The following NFATC2 variants were observed in gnomAD, a reference collection of about 807,000 sequenced individuals.
NFATC2 encodes the protein nuclear factor of activated T cells 2.
A neutral mutation model predicts 87.3 loss-of-function variants in NFATC2; 22 were observed. The observed-to-expected ratio is 0.25, with a 90% confidence interval of 0.18 to 0.36. NFATC2 has a LOEUF of 0.36. Ranked by LOEUF, NFATC2 falls within the 10% of genes least tolerant of loss-of-function variation. The probability of loss-of-function intolerance (pLI) is 1.00; values close to 1 mark genes in which losing one functional copy is unlikely to be tolerated. For missense variants in NFATC2, 1,149 were observed against 1,259.1 expected, an observed-to-expected ratio of 0.91 and a Z score of 1.32; for synonymous variants, 565 against 542.2, an observed-to-expected ratio of 1.04 and a Z score of -0.58.
At chr20:51,478,906 T>C (rs1285396804) in intron 3 of NFATC2, among the ~76,000 whole-genome samples, 1 of 152,188 alleles carries the variant, frequency 6.6e-6, no homozygotes, top group Non-Finnish European at 1.5e-5. Context: ...CCTCTTCCAC[T>C]AGCACATTTG....
rs1456163600 is a variant in NFATC2, at chr20:51,524,867, TG to T, written c.131-758del. On this transcript the variant is annotated intron_variant, in intron 1 of 10. Transcript: ENST00000371564. The surrounding 1 kb of genome is among the most constrained non-coding windows in gnomAD (Gnocchi z 4.0). ...TTAAAAATACCACAGGCAAGCCACT[TG>T]CCCCCCAACAGGCAGGGTCACTGCT... Among the ~76,000 whole-genome samples the T allele has an allele frequency of 5.9e-5, 9 of 152,202 alleles. No homozygotes were observed. The South Asian group carries it at 1.9e-3, about 32-fold the overall frequency.
At chr20:51,449,274 T>A (rs143834619) in intron 6 of NFATC2, among the ~76,000 whole-genome samples, 35 of 152,264 alleles carry the variant, frequency 2.3e-4, no homozygotes, top group African/African-American at 7.5e-4. Flanking sequence ...GGATTCCCCC[T>A]GCAGAAGGCG....
upstream of NFATC2, among the ~76,000 whole-genome samples, chr20:51,543,975 ATTTTTTTTTT>A (rs11473264): frequency 5.5e-5 from 4 of 72,958 alleles, no homozygotes; most frequent in Admixed American, 2.0e-4. Flanking sequence ...AGAATTCCTA[ATTTTTTTTTT>A]TTTTTTTTTT....
chr20:51,544,180 G>T (rs185307140), upstream of NFATC2, among the ~76,000 whole-genome samples: 1 of 151,428 alleles, frequency 6.6e-6, no homozygotes, highest in Non-Finnish European at 1.5e-5. Context: ...GTAGAGATGG[G>T]GTTTCACTGT....
intron 9 of NFATC2, among the ~76,000 whole-genome samples, chr20:51,422,998 G>A (rs6096426): frequency 0.12 from 18,684 of 151,430 alleles, 3,541 homozygotes; most frequent in African/African-American, 0.4. Context: ...TTAACATTAT[G>A]ATATTCTGGC....
Position 51,562,621 on chromosome 20 carries a change from T to C in NFATC2, c.9A>G (p.Arg3=), listed in dbSNP as rs950224603. Residue 3 remains arginine (R), a synonymous_variant, in exon 1 of 11, where the codon AGA becomes AGG. Coordinates refer to the NFATC2 transcript ENST00000414705. The surrounding 1 kb of genome is among the most constrained non-coding windows in gnomAD (Gnocchi z 5.8). The stretch of plus-strand genomic sequence containing the variant: ...AGTGCCCCAGTCTGAACGCAGCCTC[T>C]CTCTGCATCTGGAGGGCACGGGGAC... 1.1e-5 allele frequency: 17 copies of C among 1,551,008 alleles called. No homozygotes were observed. Among genetic ancestry groups the C allele is most frequent in the African/African-American group, 4.1e-5 (3 of 73,022 alleles).
chr20:51,432,452 G>A lies in NFATC2; in HGVS notation c.2337C>T (p.Asp779=), dbSNP rs142272268. The A allele has an allele frequency of 4.0e-4, 632 of 1,568,056 alleles. 2 individuals carry two copies. The African/African-American group carries it at 7.1e-3, about 18-fold the overall frequency. ...CGTGCACCAGCACAGAGCGGTGAGC[G>A]TCCGCAAGGGACAGCGGGGCGGCCA... is the stretch of plus-strand genomic sequence containing the variant. The part of the protein sequence containing the change: ...ALMAAPLSLA[D]AHRSVLVHAG... The change falls in exon 9 of 11, where the codon GAC becomes GAT. Residue 779 remains aspartate (D), a synonymous_variant. Transcript: ENST00000371564. The surrounding 1 kb of genome is among the most constrained non-coding windows in gnomAD (Gnocchi z 4.6).
intron 3 of NFATC2, among the ~76,000 whole-genome samples, chr20:51,493,026 G>A (rs2075923676): frequency 1.3e-5 from 2 of 152,196 alleles, no homozygotes; most frequent in Admixed American, 1.3e-4. Context: ...GAACCATGTG[G>A]CATCTGCAAA....
rs889058491 is a variant in NFATC2, at chr20:51,389,375, T to G, written c.*2121A>C. 49 of 152,194 alleles carry G rather than the reference T, an allele frequency of 3.2e-4. No homozygotes were observed. The highest frequency in any genetic ancestry group is 1.2e-3 in the African/African-American group (48 of 41,458). The allele number at this position is 152,194 out of a possible 1,614,324, so 9.4% of individuals were successfully genotyped here. A position where few individuals can be genotyped will look rare whatever the true frequency, so the allele number is the denominator to read the frequency against. ...ACAAAAAACAGCTCCTAGCCAGTCCTAGCCAGGTCGAGTGAGAACAAATCA... is the reference window on the plus strand; with the variant it reads ...ACAAAAAACAGCTCCTAGCCAGTCCGAGCCAGGTCGAGTGAGAACAAATCA... On this transcript the variant is annotated 3_prime_UTR_variant, in exon 11 of 11. Coordinates refer to ENST00000371564, the MANE Select transcript of NFATC2 (RefSeq NM_012340.5).
rs1314027747 is a variant in NFATC2, at chr20:51,463,965, C to G, written c.1709-9277G>C. Among the ~76,000 whole-genome samples, 4 of 150,094 alleles carry G rather than the reference C, an allele frequency of 2.7e-5. No homozygotes were observed. The East Asian group carries it at 7.7e-4, about 29-fold the overall frequency. On this transcript the variant is annotated intron_variant, in intron 5 of 10. Coordinates refer to ENST00000371564, the MANE Select transcript of NFATC2 (RefSeq NM_012340.5). ...TATTTCAATCAGCAAAGAAGCCACC[C>G]CAATCCTGGGCTCTCCAAAAAAAAA...
chr20:51,509,383 G>T (rs2076237015), intron 3 of NFATC2, among the ~76,000 whole-genome samples: 1 of 152,142 alleles, frequency 6.6e-6, no homozygotes, highest in Non-Finnish European at 1.5e-5. Flanking sequence ...CATATTCCCA[G>T]TGCCAAGCAC....
intron 9 of NFATC2, among the ~76,000 whole-genome samples, chr20:51,423,085 C>T (rs996650390): frequency 9.9e-5 from 15 of 151,786 alleles, no homozygotes; most frequent in African/African-American, 3.6e-4. Context: ...CCCAGGAGTT[C>T]GAGACCAGAC....
chr20:51,523,137 G>C lies in NFATC2; in HGVS notation c.1104C>G (p.Ile368Met), dbSNP rs1196396640. ...TGGGCCAAGTGGGCGGAACCAGCAG[G>C]ATGGATTCTGGAGCCGAGTTTCTCC... ...GERRNSAPES[I>M]LLVPPTWPKP... The change falls in exon 2 of 11, where the codon ATC (isoleucine) becomes ATG (methionine). Residue 368 changes from isoleucine (I) to methionine (M), a missense_variant. Ile to Met is a conservative substitution (Grantham distance 10, BLOSUM62 1). Around this residue, in one of 3 missense-constraint regions of NFATC2, gnomAD observed 563 missense variants for 585.2 expected, o/e 0.96. Coordinates refer to ENST00000371564, the MANE Select transcript of NFATC2 (RefSeq NM_012340.5). This position sits in a 1 kb window ranked among gnomAD's most constrained non-coding sequence, Gnocchi z 6.9. 6.2e-7 allele frequency: 1 copy of C among 1,614,242 alleles called. No individual in the cohort carries two copies. The highest frequency in any genetic ancestry group is 1.1e-5 in the South Asian group (1 of 91,092).
At chr20:51,501,308 T>C (rs910092142) in intron 3 of NFATC2, among the ~76,000 whole-genome samples, 9 of 152,180 alleles carry the variant, frequency 5.9e-5, no homozygotes, top group African/African-American at 2.2e-4. Flanking sequence ...ACAGAAGATT[T>C]CCCTGGGTTA....
chr20:51,409,003 C>T (rs1390001837), intron 9 of NFATC2, among the ~76,000 whole-genome samples: 1 of 152,202 alleles, frequency 6.6e-6, no homozygotes, highest in Non-Finnish European at 1.5e-5. Context: ...AATTTAACTA[C>T]ATGAAAATTT....
At position 51,482,575 on chromosome 20, in the gene NFATC2, A is replaced by G. The variant is rs185245247; in HGVS notation, c.1333-6915T>C. ...CAATTTTATATATTTATGGGGTACA[A>G]TATGTGATGCTTTAATATGTGTTTA... On this transcript the variant is annotated intron_variant, in intron 3 of 10. Transcript: ENST00000371564. Among the ~76,000 whole-genome samples, 87 of 152,300 alleles carry G rather than the reference A, an allele frequency of 5.7e-4. 1 individual carries two copies. Among genetic ancestry groups the G allele is most frequent in the Middle Eastern group, 6.8e-3 (2 of 294 alleles).
chr20:51,529,630 T>C (rs1186057290), intron 1 of NFATC2, among the ~76,000 whole-genome samples: 5 of 152,176 alleles, frequency 3.3e-5, no homozygotes, highest in Non-Finnish European at 5.9e-5. Context: ...AACCACCAAA[T>C]GTTCTCAGGA....
chr20:51,460,612 C>T (rs567030281), intron 5 of NFATC2, among the ~76,000 whole-genome samples: 101 of 147,360 alleles, frequency 6.9e-4, no homozygotes, highest in Middle Eastern at 3.4e-3. Context: ...CTCGGTGAAT[C>T]CTGAGCCATA....
rs753907010 is a variant in NFATC2, at chr20:51,523,843, G to A, written c.398C>T (p.Ala133Val). ...QAVGPLRMRD[A>V]GLLVEQPPLA... Reference sequence around the variant, plus strand: ...GGGCGGCTGCTCCACCAGGAGGCCCGCGTCTCTCATGCGGAGGGGCCCCAC... The same window carrying A: ...GGGCGGCTGCTCCACCAGGAGGCCCACGTCTCTCATGCGGAGGGGCCCCAC... The change falls in exon 2 of 11, where the codon GCG becomes GTG. Residue 133 changes from alanine to valine, a missense_variant. Coordinates refer to ENST00000371564, the MANE Select transcript of NFATC2 (RefSeq NM_012340.5). The surrounding 1 kb of genome is among the most constrained non-coding windows in gnomAD (Gnocchi z 6.9). The A allele has an allele frequency of 5.6e-6, 9 of 1,610,592 alleles. No individual in the cohort carries two copies. Among genetic ancestry groups the A allele is most frequent in the African/African-American group, 2.7e-5 (2 of 74,792 alleles).
Sources: gnomAD v4.1 joint callset for allele counts (sites outside exome capture counted in the v4.1 genomes callset) on GRCh38, gnomAD v4.1.1 for gene constraint, gnomAD v4.1.1 regional missense constraint, Gnocchi (gnomAD v3.1) non-coding constraint, MANE v1.5 for transcripts, NCBI Gene and HGNC (gene_info 2026-07-23, HGNC 2026-07-21) for gene names.